The following STXBP4 variants were observed in gnomAD, a reference collection of about 807,000 sequenced individuals.
STXBP4 encodes syntaxin binding protein 4, also known as syntaxin-binding protein 4.
STXBP4 carries 55 observed loss-of-function variants against 76.1 expected under a neutral mutation model. That is an observed-to-expected ratio of 0.72 (90% confidence interval 0.58 to 0.91). STXBP4 has a LOEUF of 0.91. Among genes scored for constraint, STXBP4 ranks in the 40% least tolerant of loss-of-function variants. The pLI is 0.00. For synonymous variants in STXBP4, 201 were observed against 220.2 expected, an observed-to-expected ratio of 0.91 and a Z score of 0.77; for missense variants, 618 against 636.9, an observed-to-expected ratio of 0.97 and a Z score of 0.32.
At chr17:55,114,265 T>C (rs1415635877) in intron 16 of STXBP4, among the ~76,000 whole-genome samples, 1 of 152,116 alleles carries the variant, frequency 6.6e-6, no homozygotes, top group East Asian at 1.9e-4. Flanking sequence ...ACTGAACTAA[T>C]ATGAGAAACT....
chr17:55,069,172 AT>A (rs1352517094), intron 12 of STXBP4, among the ~76,000 whole-genome samples: 8 of 150,862 alleles, frequency 5.3e-5, no homozygotes, highest in African/African-American at 1.9e-4. Flanking sequence ...AAAAAAAAAA[AT>A]AAGCTAGAGA....
At chr17:55,185,350 T>TCCTC in the STXBP4 span, among the ~76,000 whole-genome samples, 1 of 105,362 alleles carries the variant, frequency 9.5e-6, no homozygotes, top group East Asian at 3.2e-4. Flanking sequence ...TCCTCCTCCT[T>TCCTC]CTCCTCCTCC....
chr17:55,096,714 A>G (rs1278935055), intron 16 of STXBP4, among the ~76,000 whole-genome samples: 2 of 152,136 alleles, frequency 1.3e-5, no homozygotes, highest in East Asian at 3.8e-4. Flanking sequence ...TCACAGTAAG[A>G]AACAAAAGCT....
intron 8 of STXBP4, among the ~76,000 whole-genome samples, chr17:55,029,765 A>G (rs917486298): frequency 6.6e-6 from 1 of 151,956 alleles, no homozygotes; most frequent in Admixed American, 6.6e-5. Context: ...ACTTCTATTA[A>G]ATTATGTGTT....
At chr17:55,053,435 A>AT (rs1341754088) in intron 12 of STXBP4, among the ~76,000 whole-genome samples, 4 of 152,096 alleles carry the variant, frequency 2.6e-5, no homozygotes, top group Non-Finnish European at 5.9e-5. Context: ...TGTGAGCGAG[A>AT]TTGAGAACAT....
chr17:55,168,495 T>C lies in STXBP4; in HGVS notation c.*8584T>C, dbSNP rs1373258053. 1.3e-5 allele frequency: 2 copies of C among 152,194 alleles called. No homozygotes were observed. The highest frequency in any genetic ancestry group is 4.8e-5 in the African/African-American group (2 of 41,458). The allele number at this position is 152,194 out of a possible 1,614,324, so 9.4% of individuals were successfully genotyped here. ...ATTTCATCAGTTATAAGACCCATCA[T>C]TATTTTGTGTGTAACTGAAAATGAA... On this transcript the variant is annotated 3_prime_UTR_variant, in exon 18 of 18. Coordinates refer to ENST00000376352, the MANE Select transcript of STXBP4 (RefSeq NM_178509.6).
Position 55,081,121 on chromosome 17 carries a change from C to A in STXBP4, c.1427C>A (p.Ala476Glu), listed in dbSNP as rs2079249467. The A allele has an allele frequency of 6.4e-7, 1 of 1,556,310 alleles. No homozygotes were observed. Reference protein sequence around the residue: ...PLGRNGRSIPATLALESKELV... With the variant: ...PLGRNGRSIPETLALESKELV... ...GGAAGGAATGGACGTAGCATCCCAG[C>A]AACGCTGGCGCTTGAATCTAAGGAA... is the stretch of plus-strand genomic sequence containing the variant. The change falls in exon 16 of 18, where the codon GCA becomes GAA. Residue 476 changes from alanine to glutamate, a missense_variant. Physicochemically the swap from Ala to Glu is moderately radical, Grantham distance 107. Coordinates refer to ENST00000376352, the MANE Select transcript of STXBP4 (RefSeq NM_178509.6).
At chr17:55,123,600 C>T (rs572021906) in intron 16 of STXBP4, among the ~76,000 whole-genome samples, 13 of 152,102 alleles carry the variant, frequency 8.5e-5, no homozygotes, top group South Asian at 8.3e-4. Context: ...GCAACAACAA[C>T]GACAAATAGA....
chr17:55,086,762 T>A (rs753321724), intron 16 of STXBP4, among the ~76,000 whole-genome samples: 13 of 152,142 alleles, frequency 8.5e-5, no homozygotes, highest in Non-Finnish European at 1.6e-4. Flanking sequence ...GCTGACTTTC[T>A]TTTCTTTGGA....
At chr17:54,973,770 T>G (rs1315083063) in intron 1 of STXBP4, among the ~76,000 whole-genome samples, 1 of 152,172 alleles carries the variant, frequency 6.6e-6, no homozygotes, top group East Asian at 1.9e-4. Flanking sequence ...TCCAACCCTG[T>G]TTTGTAGGTA....
intron 12 of STXBP4, among the ~76,000 whole-genome samples, chr17:55,068,511 A>C (rs2079080667): frequency 6.6e-6 from 1 of 152,176 alleles, no homozygotes; most frequent in African/African-American, 2.4e-5. Context: ...GATTGTTGCT[A>C]ACATTAAAAA....
intron 16 of STXBP4, among the ~76,000 whole-genome samples, chr17:55,119,033 G>A (rs530550402): frequency 1.1e-4 from 17 of 151,428 alleles, no homozygotes; most frequent in Admixed American, 3.3e-4. Context: ...GTATACATGT[G>A]CCATGTTGGT....
At chr17:55,073,675 C>T (rs2079147846) in intron 13 of STXBP4, among the ~76,000 whole-genome samples, 1 of 152,186 alleles carries the variant, frequency 6.6e-6, no homozygotes, top group Admixed American at 6.5e-5. Flanking sequence ...GTCGCCCAGG[C>T]TGGAGTGCAA....
intron 17 of STXBP4, among the ~76,000 whole-genome samples, chr17:55,147,730 C>T (rs1001577552): frequency 5.9e-5 from 9 of 152,132 alleles, no homozygotes; most frequent in African/African-American, 2.2e-4. Flanking sequence ...TTGAATAAAA[C>T]AAAAGTTTCT....
intron 16 of STXBP4, among the ~76,000 whole-genome samples, chr17:55,106,531 A>C (rs1472110264): frequency 6.6e-6 from 1 of 152,140 alleles, no homozygotes; most frequent in Non-Finnish European, 1.5e-5. Context: ...TTAGCCTGTT[A>C]GTTGATGCAG....
At chr17:55,011,372 A>C (rs547975592) in intron 8 of STXBP4, among the ~76,000 whole-genome samples, 2 of 152,142 alleles carry the variant, frequency 1.3e-5, no homozygotes, top group African/African-American at 4.8e-5. Context: ...AACCTTTGAC[A>C]TTGCTAATGT....
chr17:55,091,641 T>C (rs1186732735), intron 16 of STXBP4, among the ~76,000 whole-genome samples: 1 of 152,170 alleles, frequency 6.6e-6, no homozygotes, highest in African/African-American at 2.4e-5. Flanking sequence ...TCAGCTTTGA[T>C]ATATTTTTTT....
intron 16 of STXBP4, among the ~76,000 whole-genome samples, chr17:55,090,864 T>C (rs1327439018): frequency 5.8e-5 from 7 of 120,284 alleles, no homozygotes; most frequent in Middle Eastern, 3.8e-3. Context: ...TCTGTGTGTG[T>C]GTGTGTGTGT....
At chr17:55,053,278 G>A (rs775985411) in intron 12 of STXBP4, among the ~76,000 whole-genome samples, 6 of 151,894 alleles carry the variant, frequency 4.0e-5, no homozygotes, top group Non-Finnish European at 5.9e-5. Flanking sequence ...AGGAAATATT[G>A]GAGTTTTTAG....
Sources: allele counts gnomAD v4.1 joint callset (sites outside exome capture counted in the v4.1 genomes callset), GRCh38; gene constraint gnomAD v4.1.1; transcripts MANE v1.5; gene names NCBI Gene and HGNC (gene_info 2026-07-23, HGNC 2026-07-21).